Variants in PIGK observed in about 807,000 individuals in gnomAD.
PIGK encodes the protein phosphatidylinositol glycan anchor biosynthesis class K, also known as GPI-anchor transamidase.
A neutral mutation model predicts 50.6 loss-of-function variants in PIGK; 42 were observed. The observed-to-expected ratio is 0.83, with a 90% confidence interval of 0.65 to 1.07. The LOEUF (loss-of-function observed/expected upper bound fraction) is 1.07, where lower values mean the gene tolerates loss of function less well. Ranked by LOEUF, PIGK falls within the 50% of genes least tolerant of loss-of-function variation. PIGK has a pLI of 0.00. For synonymous variants in PIGK, 151 were observed against 156.0 expected (o/e 0.97, Z 0.24); for missense variants, 448 against 488.7 (o/e 0.92, Z 0.78).
At chr1:77,123,891 T>G (rs926571699) in intron 9 of PIGK, among the ~76,000 whole-genome samples, 20 of 152,034 alleles carry the variant, frequency 1.3e-4, no homozygotes, top group Non-Finnish European at 2.6e-4. Flanking sequence ...GTGACTGTAT[T>G]TGTAGACAGG....
chr1:77,089,472 A>G lies in PIGK; in HGVS notation c.*2902T>C, dbSNP rs757384122. ...GAAAAAAGTTATATGTTAATGCAAC[A>G]TTTGTTGTAAAGATTCCAGAAACAC... is the stretch of plus-strand genomic sequence containing the variant. On this transcript the variant is annotated 3_prime_UTR_variant, in exon 11 of 11. Coordinates refer to ENST00000370812, the MANE Select transcript of PIGK (RefSeq NM_005482.3). 2.0e-5 allele frequency: 3 copies of G among 152,594 alleles called. No individual in the cohort carries two copies. The highest frequency in any genetic ancestry group is 4.8e-5 in the African/African-American group (2 of 41,468). The allele number at this position is 152,594 out of a possible 1,614,324, so 9.5% of individuals were successfully genotyped here. A position where few individuals can be genotyped will look rare whatever the true frequency, so the allele number is the denominator to read the frequency against.
chr1:77,139,787 G>C (rs953134435), intron 9 of PIGK, among the ~76,000 whole-genome samples: 1 of 152,036 alleles, frequency 6.6e-6, no homozygotes, highest in Non-Finnish European at 1.5e-5. Context: ...AGTGCATCTA[G>C]GTATCTTGTA....
intron 8 of PIGK, among the ~76,000 whole-genome samples, chr1:77,160,226 C>T (rs568808220): frequency 6.6e-6 from 1 of 152,298 alleles, no homozygotes; most frequent in Non-Finnish European, 1.5e-5. Context: ...CACCTTCTGC[C>T]ATGATTATGA....
intron 3 of PIGK, among the ~76,000 whole-genome samples, chr1:77,198,499 A>G (rs1656085506): frequency 6.6e-6 from 1 of 152,010 alleles, no homozygotes; most frequent in Non-Finnish European, 1.5e-5. Context: ...TTGTTTGAAG[A>G]TTTTATGGCT....
At chr1:77,187,797 C>T (rs1655785209) in intron 3 of PIGK, among the ~76,000 whole-genome samples, 1 of 152,166 alleles carries the variant, frequency 6.6e-6, no homozygotes, top group Non-Finnish European at 1.5e-5. Flanking sequence ...AAGTCAGGGA[C>T]CCCAAACGGA....
At chr1:77,146,214 C>T (rs1654763684) in intron 9 of PIGK, among the ~76,000 whole-genome samples, 2 of 152,094 alleles carry the variant, frequency 1.3e-5, no homozygotes, top group African/African-American at 2.4e-5. Context: ...CAGACCTACA[C>T]ATAAAAGCTA....
At chr1:77,175,009 A>G (rs1332174291) in intron 3 of PIGK, among the ~76,000 whole-genome samples, 2 of 152,184 alleles carry the variant, frequency 1.3e-5, no homozygotes, top group African/African-American at 2.4e-5. Context: ...GAAAAATAGG[A>G]CCTTAAATCA....
intron 9 of PIGK, among the ~76,000 whole-genome samples, chr1:77,149,838 T>C (rs1654854445): frequency 1.3e-5 from 2 of 152,132 alleles, no homozygotes; most frequent in Non-Finnish European, 2.9e-5. Context: ...ATAGACCATA[T>C]GTTAGGTCAC....
intron 3 of PIGK, among the ~76,000 whole-genome samples, chr1:77,182,855 G>A (rs1398612455): frequency 1.3e-5 from 2 of 152,166 alleles, no homozygotes; most frequent in Non-Finnish European, 2.9e-5. Flanking sequence ...TGAGAGACAA[G>A]GAGTTTAGTA....
At chr1:77,196,724 A>G (rs1196729938) in intron 3 of PIGK, among the ~76,000 whole-genome samples, 1 of 152,036 alleles carries the variant, frequency 6.6e-6, no homozygotes, top group African/African-American at 2.4e-5. Context: ...TTAGACCTTT[A>G]TCAGATGCAC....
rs185836630 is a variant in PIGK at position 77,193,308 on chromosome 1, G to A, written c.239+13332C>T. On this transcript the variant is annotated intron_variant, in intron 3 of 10. Transcript: ENST00000370812. ...GTTTCTCCTAAGCTTTGTTCTTTCC[G>A]GTGACAACTCAGGTAGGAGGAAAAG... 1.3e-3 allele frequency among the ~76,000 whole-genome samples: 184 copies of A among 145,940 alleles called. 1 individual carries two copies. Among genetic ancestry groups the A allele is most frequent in the African/African-American group, 4.7e-3 (175 of 37,612 alleles).
At chr1:77,162,787 C>A (rs1309192357) in intron 6 of PIGK, among the ~76,000 whole-genome samples, 1 of 152,106 alleles carries the variant, frequency 6.6e-6, no homozygotes, top group Non-Finnish European at 1.5e-5. Flanking sequence ...TAATATGACA[C>A]ATTTGTTCTG....
intron 1 of PIGK, among the ~76,000 whole-genome samples, chr1:77,212,415 T>A (rs1242202250): frequency 6.6e-6 from 1 of 152,140 alleles, no homozygotes; most frequent in Non-Finnish European, 1.5e-5. Context: ...ATACTACTAG[T>A]CTGAAAAACA....
At chr1:77,212,385 G>A (rs1258380799) in intron 1 of PIGK, among the ~76,000 whole-genome samples, 1 of 152,106 alleles carries the variant, frequency 6.6e-6, no homozygotes, top group Non-Finnish European at 1.5e-5. Flanking sequence ...CTCAGAGAAT[G>A]TAGGAATAGT....
chr1:77,149,953 A>G (rs1654856952), intron 9 of PIGK, among the ~76,000 whole-genome samples: 1 of 152,166 alleles, frequency 6.6e-6, no homozygotes, highest in Admixed American at 6.5e-5. Context: ...CCTTTGGAAA[A>G]CTATACAAAT....
chr1:77,163,808 T>A, intron 6 of PIGK, 38 bp downstream of exon 6: 1 of 1,087,138 alleles, frequency 9.2e-7, no homozygotes. Context: ...AAATTAGGTA[T>A]GAATATAGCT....
intron 9 of PIGK, chr1:77,129,079 C>G (rs1435975384): frequency 1.8e-5 from 15 of 832,336 alleles, no homozygotes; most frequent in African/African-American, 1.2e-4. Flanking sequence ...TACTATCTAG[C>G]TCTTTCCCTA....
chr1:77,093,435 G>C (rs1327999852), intron 10 of PIGK, among the ~76,000 whole-genome samples: 1 of 152,122 alleles, frequency 6.6e-6, no homozygotes, highest in Non-Finnish European at 1.5e-5. Flanking sequence ...TGTAATGACA[G>C]TTATGATATT....
At chr1:77,127,211 T>C (rs543692709) in intron 9 of PIGK, among the ~76,000 whole-genome samples, 91 of 152,314 alleles carry the variant, frequency 6.0e-4, no homozygotes, top group Non-Finnish European at 1.1e-3. Context: ...ACAATCCCCC[T>C]GTGCTTTCTG....
Sources: allele counts gnomAD v4.1 joint callset (sites outside exome capture counted in the v4.1 genomes callset), GRCh38; gene constraint gnomAD v4.1.1; transcripts MANE v1.5; gene names NCBI Gene and HGNC (gene_info 2026-07-23, HGNC 2026-07-21).